RAB30: variants seen among roughly 807,000 people sequenced by gnomAD.
The protein encoded by RAB30 is RAB30, member RAS oncogene family, also known as ras-related protein Rab-30.
A neutral mutation model predicts 25.1 loss-of-function variants in RAB30; 9 were observed. The ratio of observed to expected loss-of-function variants is 0.36; its 90% confidence interval spans 0.22 to 0.63. The LOEUF (loss-of-function observed/expected upper bound fraction) is 0.63, where lower values mean the gene tolerates loss of function less well. RAB30 is among the 20% of genes least tolerant of loss of function. The probability of loss-of-function intolerance (pLI) is 0.69; values close to 1 mark genes in which losing one functional copy is unlikely to be tolerated. For synonymous variants in RAB30, 77 were observed against 86.4 expected (o/e 0.89, Z 0.60); for missense variants, 140 against 243.5 (o/e 0.58, Z 2.83).
At chr11:83,052,685 T>A (rs1858381396) in intron 1 of RAB30, among the ~76,000 whole-genome samples, 1 of 152,202 alleles carries the variant, frequency 6.6e-6, no homozygotes, top group African/African-American at 2.4e-5. Context: ...TTCCATGTGA[T>A]CCTGTCTTAA....
chr11:82,991,654 A>G (rs1275792786), intron 3 of RAB30, among the ~76,000 whole-genome samples: 3 of 152,120 alleles, frequency 2.0e-5, no homozygotes, highest in African/African-American at 7.2e-5. Flanking sequence ...GCCACCCTGT[A>G]TCTTTATTTT....
chr11:83,014,638 G>GAAAGAA (rs1857380103), intron 1 of RAB30, among the ~76,000 whole-genome samples: 1 of 38,702 alleles, frequency 2.6e-5, no homozygotes, highest in Non-Finnish European at 5.4e-5. Context: ...GTAAGAAAAA[G>GAAAGAA]AAAGAAAGAA....
At chr11:83,055,082 G>A (rs975786176) in intron 1 of RAB30, among the ~76,000 whole-genome samples, 6 of 152,270 alleles carry the variant, frequency 3.9e-5, no homozygotes, top group Admixed American at 2.6e-4. Flanking sequence ...CCACCTACCC[G>A]TCATGTGATT....
intron 1 of RAB30, among the ~76,000 whole-genome samples, chr11:83,043,671 T>G (rs1858177904): frequency 6.6e-6 from 1 of 152,072 alleles, no homozygotes; most frequent in African/African-American, 2.4e-5. Context: ...TAAAGAAAGA[T>G]AAATCACATG....
intron 4 of RAB30, among the ~76,000 whole-genome samples, chr11:82,984,938 A>T (rs1396425296): frequency 6.6e-6 from 1 of 152,206 alleles, no homozygotes; most frequent in African/African-American, 2.4e-5. Flanking sequence ...TGGGAGCATC[A>T]ATAATAATAA....
chr11:83,020,082 C>T (rs1857533911), intron 1 of RAB30, among the ~76,000 whole-genome samples: 1 of 152,244 alleles, frequency 6.6e-6, no homozygotes, highest in Non-Finnish European at 1.5e-5. Flanking sequence ...GAGGGAGCTA[C>T]CCAGGTGCCA....
intron 1 of RAB30, among the ~76,000 whole-genome samples, chr11:83,004,567 C>T (rs962825546): frequency 1.3e-5 from 2 of 152,146 alleles, no homozygotes; most frequent in Non-Finnish European, 2.9e-5. Flanking sequence ...AGTAAAACTT[C>T]AAGAAGGCAT....
At chr11:83,016,061 CA>C (rs1288508659) in intron 1 of RAB30, among the ~76,000 whole-genome samples, 1 of 152,146 alleles carries the variant, frequency 6.6e-6, no homozygotes, top group Non-Finnish European at 1.5e-5. Flanking sequence ...TCGCTTGAGC[CA>C]GGGAGGTTGA....
At chr11:83,064,633 T>C (rs1565293853) in intron 1 of RAB30, among the ~76,000 whole-genome samples, 1 of 152,150 alleles carries the variant, frequency 6.6e-6, no homozygotes, top group Non-Finnish European at 1.5e-5. Context: ...TCCCAGCCCA[T>C]AGGCTGATTA....
rs1856591296 is a variant in RAB30, at chr11:82,978,836, T to C, written c.*3329A>G. The C allele has an allele frequency of 6.6e-6, 1 of 152,212 alleles. No homozygotes were observed. The highest frequency in any genetic ancestry group is 2.4e-5 in the African/African-American group (1 of 41,452). The allele number at this position is 152,212 out of a possible 1,614,324, so 9.4% of individuals were successfully genotyped here. ...AAATAATCCTCATCCAAATATCTTA[T>C]TTTGGCCAATCGTTTCTACCTTCCT... On this transcript the variant is annotated 3_prime_UTR_variant, in exon 5 of 5. Transcript: ENST00000527633.
intron 1 of RAB30, among the ~76,000 whole-genome samples, chr11:83,007,379 C>A (rs1020656909): frequency 6.6e-6 from 1 of 152,108 alleles, no homozygotes; most frequent in East Asian, 1.9e-4. Flanking sequence ...ATAAAGCAGG[C>A]CTGAGACCTC....
intron 1 of RAB30, among the ~76,000 whole-genome samples, chr11:83,017,621 C>T (rs567887289): frequency 6.6e-6 from 1 of 152,200 alleles, no homozygotes; most frequent in East Asian, 1.9e-4. Context: ...CAAGTGAGAA[C>T]ATACGATATT....
chr11:83,065,937 A>G (rs1858687283), intron 1 of RAB30, among the ~76,000 whole-genome samples: 1 of 152,256 alleles, frequency 6.6e-6, no homozygotes, highest in South Asian at 2.1e-4. Flanking sequence ...AAATATGTAT[A>G]CGTATACAAT....
chr11:83,008,605 T>C (rs762145237), intron 1 of RAB30, among the ~76,000 whole-genome samples: 1 of 152,198 alleles, frequency 6.6e-6, no homozygotes, highest in Non-Finnish European at 1.5e-5. Context: ...TGCATTATCC[T>C]GGCAAATTCC....
chr11:83,022,812 A>G (rs562155800), intron 1 of RAB30, among the ~76,000 whole-genome samples: 4 of 152,288 alleles, frequency 2.6e-5, no homozygotes, highest in African/African-American at 9.6e-5. Flanking sequence ...GCCTGATATC[A>G]GATGATCATT....
chr11:83,032,708 T>G (rs1857896131), intron 1 of RAB30, among the ~76,000 whole-genome samples: 1 of 152,226 alleles, frequency 6.6e-6, no homozygotes. Context: ...TTCGCATTAA[T>G]TATTTTTATG....
At chr11:83,028,857 C>A (rs773916054) in intron 1 of RAB30, among the ~76,000 whole-genome samples, 1 of 152,096 alleles carries the variant, frequency 6.6e-6, no homozygotes, top group Non-Finnish European at 1.5e-5. Context: ...ACCAACATGG[C>A]GAGACCCTAT....
At chr11:83,039,523 AC>A (rs1260752141) in intron 1 of RAB30, among the ~76,000 whole-genome samples, 2 of 152,286 alleles carry the variant, frequency 1.3e-5, no homozygotes, top group African/African-American at 4.8e-5. Flanking sequence ...TTCAAAAAAT[AC>A]AAAAATTAGT....
chr11:83,054,722 C>G (rs1858422610), intron 1 of RAB30, among the ~76,000 whole-genome samples: 1 of 151,572 alleles, frequency 6.6e-6, no homozygotes, highest in Non-Finnish European at 1.5e-5. Flanking sequence ...CAAAAATCAG[C>G]CAGATGTGGG....
Sources: allele counts gnomAD v4.1 joint callset (sites outside exome capture counted in the v4.1 genomes callset), GRCh38; gene constraint gnomAD v4.1.1; transcripts MANE v1.5; gene names NCBI Gene and HGNC (gene_info 2026-07-23, HGNC 2026-07-21).